RAD9B: variants seen among roughly 807,000 people sequenced by gnomAD.
The protein encoded by RAD9B is cell cycle checkpoint control protein RAD9B.
RAD9B carries 41 observed loss-of-function variants against 48.3 expected under a neutral mutation model. The ratio of observed to expected loss-of-function variants is 0.85; its 90% CI spans 0.66 to 1.10. The LOEUF (loss-of-function observed/expected upper bound fraction) is 1.10. RAD9B is among the 50% of genes least tolerant of loss of function. The pLI, the probability that RAD9B is intolerant of heterozygous loss-of-function variation, is 0.00. For synonymous variants in RAD9B, 160 were observed against 157.9 expected, an observed-to-expected ratio of 1.01 and a Z score of -0.10; for missense variants, 444 against 485.1, an observed-to-expected ratio of 0.92 and a Z score of 0.80.
intron 1 of RAD9B, chr12:110,503,561 A>G: frequency 2.2e-6 from 1 of 463,388 alleles, no homozygotes; most frequent in Non-Finnish European, 3.9e-6. Context: ...AACACTGTAA[A>G]CATATAGAAG....
At chr12:110,522,094 G>T (rs2063803768) in intron 9 of RAD9B, 83 bp from the exon 10 acceptor site, 4 of 889,012 alleles carry the variant, frequency 4.5e-6, no homozygotes, top group Admixed American at 5.3e-5. Context: ...TGCTATCATT[G>T]TCATCCCACA....
chr12:110,530,643 CTATAT>C lies in RAD9B; in HGVS notation c.1246_1250del (p.Ile416LeufsTer7), dbSNP rs1565907208. 6.2e-7 allele frequency: 1 copy of C among 1,613,930 alleles called. No homozygotes were observed. Reference sequence around the variant, plus strand: ...GAGGACATGAATAATGGCAGTTTCTCTATATTCTAATGCTTAATGATGGCTGAGCT... The same window carrying C: ...GAGGACATGAATAATGGCAGTTTCTCTCTAATGCTTAATGATGGCTGAGCT... On this transcript the variant is annotated frameshift_variant, in exon 11 of 11. Transcript: ENST00000409300. LOFTEE classifies it high-confidence loss of function.
At chr12:110,508,695 C>G (rs1395288570) in intron 4 of RAD9B, among the ~76,000 whole-genome samples, 2 of 152,130 alleles carry the variant, frequency 1.3e-5, no homozygotes, top group African/African-American at 4.8e-5. Flanking sequence ...CTCCTGGGCT[C>G]AAGCAATTCT....
At chr12:110,502,487 T>C in intron 1 of RAD9B, 104 bp downstream of exon 1, 2 of 1,296,050 alleles carry the variant, frequency 1.5e-6, no homozygotes, top group Non-Finnish European at 2.2e-6. Flanking sequence ...TTTTGCGCAA[T>C]GACTGAGGAC....
intron 4 of RAD9B, among the ~76,000 whole-genome samples, chr12:110,507,183 G>C (rs939951106): frequency 2.0e-5 from 3 of 151,858 alleles, no homozygotes; most frequent in Non-Finnish European, 4.4e-5. Flanking sequence ...TATCTTACCT[G>C]TCACTGTAGA....
At chr12:110,505,578 C>T (rs180685690) in intron 2 of RAD9B, 39 bp from the exon 3 acceptor site, 17 of 1,495,290 alleles carry the variant, frequency 1.1e-5, no homozygotes, top group Middle Eastern at 3.5e-4. Context: ...AGCCACCATG[C>T]GCAACCTCTC....
intron 10 of RAD9B, among the ~76,000 whole-genome samples, chr12:110,526,621 T>G (rs2063944895): frequency 6.6e-6 from 1 of 152,070 alleles, no homozygotes. Flanking sequence ...AAACCATGCC[T>G]CCAATTGGTC....
intron 2 of RAD9B, among the ~76,000 whole-genome samples, chr12:110,505,104 T>G (rs2135644744): frequency 6.6e-6 from 1 of 152,308 alleles, no homozygotes; most frequent in South Asian, 2.1e-4. Context: ...CATATATGTA[T>G]TCAATATAAT....
At chr12:110,518,813 C>G in intron 7 of RAD9B, 31 bp downstream of exon 7, 1 of 1,573,172 alleles carries the variant, frequency 6.4e-7, no homozygotes, top group Non-Finnish European at 8.7e-7. Flanking sequence ...ATTTAAAATT[C>G]AAATTTTCAC....
At position 110,527,410 on chromosome 12, in the gene RAD9B, A is replaced by G. The variant is rs150445192; in HGVS notation, c.1126-3115A>G. 6.9e-3 allele frequency among the ~76,000 whole-genome samples: 1,046 copies of G among 152,288 alleles called. 1 individual carries two copies. Among genetic ancestry groups the G allele is most frequent in the Non-Finnish European group, 9.4e-3 (637 of 68,024 alleles). On this transcript the variant is annotated intron_variant, in intron 10 of 10. Transcript: ENST00000409300. Reference sequence around the variant, plus strand: ...CTTCAGAGGTTCATGGGCTTAGTACATGGACCTCTGGGAACCATTTTCCTG... The same window carrying G: ...CTTCAGAGGTTCATGGGCTTAGTACGTGGACCTCTGGGAACCATTTTCCTG...
chr12:110,519,067 T>A, intron 8 of RAD9B, 129 bp downstream of exon 8: 1 of 637,498 alleles, frequency 1.6e-6, no homozygotes, highest in Non-Finnish European at 2.6e-6. Flanking sequence ...CTTATCAAAC[T>A]AAAATTTTGA....
chr12:110,505,344 C>A (rs990223356), intron 2 of RAD9B, among the ~76,000 whole-genome samples: 1 of 152,112 alleles, frequency 6.6e-6, no homozygotes, highest in Non-Finnish European at 1.5e-5. Flanking sequence ...CCATAATTAA[C>A]ATCCCATGTT....
At position 110,518,660 on chromosome 12, in the gene RAD9B, C is replaced by G; in HGVS notation, c.596-16C>G. On this transcript the variant is annotated splice_polypyrimidine_tract_variant and intron_variant, in intron 6 of 10. Coordinates refer to ENST00000409300, the MANE Select transcript of RAD9B (RefSeq NM_001286535.2). ...GGAACTAATTTTATTCTTTATTTTC[C>G]CATAATATTAAACAGATTTGAGCAA... The G allele has an allele frequency of 6.6e-7, 1 of 1,506,778 alleles. No homozygotes were observed. The highest frequency in any genetic ancestry group is 9.0e-7 in the Non-Finnish European group (1 of 1,110,992). 93.3% of individuals were successfully genotyped at this position (1,506,778 alleles called of 1,614,324 possible). A position where few individuals can be genotyped will look rare whatever the true frequency, so the allele number is the denominator to read the frequency against.
intron 2 of RAD9B, among the ~76,000 whole-genome samples, chr12:110,504,266 C>T (rs1162799096): frequency 2.0e-5 from 3 of 151,202 alleles, no homozygotes; most frequent in South Asian, 2.1e-4. Flanking sequence ...GTCAGGAGTT[C>T]GAGACTAGCC....
rs746438043 is a variant in RAD9B, at chr12:110,532,580, TAC to T, written c.*1929_*1930del. ...GGCACTTTGGATTTTAGAATTTGGATACAGAGTGCTAAGCTGAAATACAGTCA... is the reference window on the plus strand; with the variant it reads ...GGCACTTTGGATTTTAGAATTTGGATAGAGTGCTAAGCTGAAATACAGTCA... On this transcript the variant is annotated 3_prime_UTR_variant, in exon 11 of 11. Transcript: ENST00000409300. Among the ~76,000 whole-genome samples the T allele has an allele frequency of 1.3e-5, 2 of 152,194 alleles. No homozygotes were observed. Among genetic ancestry groups the T allele is most frequent in the Non-Finnish European group, 1.5e-5 (1 of 68,028 alleles).
In RAD9B at chr12:110,532,551, G is replaced by A. The variant is rs909094744; in HGVS notation, c.*1898G>A. Among the ~76,000 whole-genome samples the A allele has an allele frequency of 6.6e-6, 1 of 152,136 alleles. No individual in the cohort carries two copies. Among genetic ancestry groups the A allele is most frequent in the Non-Finnish European group, 1.5e-5 (1 of 68,020 alleles). On this transcript the variant is annotated 3_prime_UTR_variant, in exon 11 of 11. Transcript: ENST00000409300. Reference sequence around the variant, plus strand: ...TGAGATCCCATCTCTACAAAAATTAGCTGGGCACTTTGGATTTTAGAATTT... The same window carrying A: ...TGAGATCCCATCTCTACAAAAATTAACTGGGCACTTTGGATTTTAGAATTT...
chr12:110,507,118 AGCCACTGCACCTG>A (rs2063299771), intron 4 of RAD9B, among the ~76,000 whole-genome samples: 1 of 151,956 alleles, frequency 6.6e-6, no homozygotes, highest in African/African-American at 2.4e-5. Flanking sequence ...TGCTGGGATG[AGCCACTGCACCTG>A]GCCTGAGCCA....
rs76106437 is a variant in RAD9B at position 110,523,751 on chromosome 12, G to A, written c.1125+1340G>A. ...ATTCACTAAGATTGCCAGTTTCTTT[G>A]CTAGAGAAAATGACATTTAGAACTT... is the stretch of plus-strand genomic sequence containing the variant. On this transcript the variant is annotated intron_variant, in intron 10 of 10. Transcript: ENST00000409300. Among the ~76,000 whole-genome samples, 1,043 of 152,248 alleles carry A rather than the reference G, an allele frequency of 6.9e-3. 1 individual carries two copies. Among genetic ancestry groups the A allele is most frequent in the Non-Finnish European group, 9.3e-3 (636 of 68,022 alleles).
rs923004232 is a variant in RAD9B, at chr12:110,532,656, G to A, written c.*2003G>A. Among the ~76,000 whole-genome samples the A allele has an allele frequency of 6.6e-6, 1 of 152,230 alleles. No individual in the cohort carries two copies. Among genetic ancestry groups the A allele is most frequent in the African/African-American group, 2.4e-5 (1 of 41,460 alleles). ...TCAACGATGGACTGCACAGACAGTG[G>A]TGGTCCCATAAGATAATGGAGCTGC... On this transcript the variant is annotated 3_prime_UTR_variant, in exon 11 of 11. Coordinates refer to ENST00000409300, the MANE Select transcript of RAD9B (RefSeq NM_001286535.2).
Sources: allele counts gnomAD v4.1 joint callset (sites outside exome capture counted in the v4.1 genomes callset), GRCh38; gene constraint gnomAD v4.1.1; transcripts MANE v1.5; gene names NCBI Gene and HGNC (gene_info 2026-07-23, HGNC 2026-07-21).